SULF1: variants seen among roughly 807,000 people sequenced by gnomAD.
The protein encoded by SULF1 is sulfatase 1.
SULF1 carries 46 observed loss-of-function variants against 110.5 expected under a neutral mutation model. The ratio of observed to expected loss-of-function variants is 0.42; its 90% CI spans 0.33 to 0.53. SULF1 has a LOEUF of 0.53. Among genes scored for constraint, SULF1 ranks in the 20% least tolerant of loss-of-function variants. SULF1 has a pLI of 0.12. For synonymous variants in SULF1, 371 were observed against 387.1 expected, an observed-to-expected ratio of 0.96 and a Z score of 0.49; for missense variants, 941 against 1,094.2, an observed-to-expected ratio of 0.86 and a Z score of 1.98.
At chr8:69,493,459 A>ACACACG (rs1273801330) in intron 1 of SULF1, among the ~76,000 whole-genome samples, 1 of 47,420 alleles carries the variant, frequency 2.1e-5, no homozygotes, top group Non-Finnish European at 3.7e-5. Context: ...ACACACACAC[A>ACACACG]CACACACACA....
At chr8:69,615,793 A>G (rs992204720) in intron 13 of SULF1, among the ~76,000 whole-genome samples, 8 of 152,186 alleles carry the variant, frequency 5.3e-5, no homozygotes, top group African/African-American at 1.9e-4. Flanking sequence ...CTAATGGGAA[A>G]TTCAACTAGG....
intron 1 of SULF1, among the ~76,000 whole-genome samples, chr8:69,468,588 A>G (rs1158347325): frequency 6.6e-6 from 1 of 152,166 alleles, no homozygotes; most frequent in Admixed American, 6.5e-5. Context: ...ACCAAAATAG[A>G]TCCAAGTTCA....
chr8:69,624,152 G>A lies in SULF1; in HGVS notation c.1805G>A (p.Ser602Asn), dbSNP rs1012374804. 3 of 1,610,680 alleles carry A rather than the reference G, an allele frequency of 1.9e-6. No homozygotes were observed. The highest frequency in any genetic ancestry group is 2.5e-6 in the Non-Finnish European group (3 of 1,177,792). The change falls in exon 15 of 23, where the codon AGC becomes AAC. Residue 602 changes from serine to asparagine, a missense_variant. By Grantham distance (46) the Ser-to-Asn change is conservative. Transcript: ENST00000402687. ...AACAGGGGCAGGATGCTGGCAGATA[G>A]CAGCAACGCCGTGGGCCCACCTACC... The part of the protein sequence containing the change: ...GGNRGRMLAD[S>N]SNAVGPPTTV...
chr8:69,480,892 A>G (rs1243757810), intron 1 of SULF1, among the ~76,000 whole-genome samples: 236 of 98,466 alleles, frequency 2.4e-3, no homozygotes, highest in Middle Eastern at 4.7e-3. Context: ...CTGTTGTGGG[A>G]TGGGGGAGGG....
chr8:69,624,386 C>T (rs1809839943), intron 15 of SULF1, among the ~76,000 whole-genome samples, 189 bp downstream of exon 15: 1 of 152,210 alleles, frequency 6.6e-6, no homozygotes, highest in African/African-American at 2.4e-5. Context: ...TGGACACATG[C>T]TTTGGGTTTG....
At chr8:69,653,195 G>A (rs1812482713) in intron 22 of SULF1, among the ~76,000 whole-genome samples, 1 of 151,954 alleles carries the variant, frequency 6.6e-6, no homozygotes, top group Non-Finnish European at 1.5e-5. Context: ...TCAGCCTTCT[G>A]AGTAGCTGGG....
At chr8:69,524,385 A>G (rs919089718) in intron 3 of SULF1, among the ~76,000 whole-genome samples, 2 of 152,084 alleles carry the variant, frequency 1.3e-5, no homozygotes, top group Non-Finnish European at 2.9e-5. Context: ...CGGAAAGCAA[A>G]GAGGGAGCAA....
chr8:69,584,038 G>T (rs950951981), intron 6 of SULF1, among the ~76,000 whole-genome samples: 3 of 152,204 alleles, frequency 2.0e-5, no homozygotes, highest in Non-Finnish European at 4.4e-5. Flanking sequence ...GGAAAGGGAA[G>T]GATTTTGTCC....
intron 3 of SULF1, among the ~76,000 whole-genome samples, chr8:69,557,940 TAC>T (rs1223421524): frequency 6.6e-6 from 1 of 152,216 alleles, no homozygotes; most frequent in Non-Finnish European, 1.5e-5. Context: ...AAAGTGTTAC[TAC>T]ACCAGGAGGG....
chr8:69,564,199 C>T (rs756160063), intron 5 of SULF1, 52 bp downstream of exon 5: 14 of 1,595,108 alleles, frequency 8.8e-6, no homozygotes, highest in African/African-American at 1.3e-5. Flanking sequence ...GATGATTTCT[C>T]GAGTCTCAGG....
intron 3 of SULF1, among the ~76,000 whole-genome samples, chr8:69,539,039 G>C (rs1813674933): frequency 6.6e-6 from 1 of 152,162 alleles, no homozygotes; most frequent in South Asian, 2.1e-4. Context: ...GAACCCTGTA[G>C]CTGGATCCCG....
intron 19 of SULF1, among the ~76,000 whole-genome samples, chr8:69,634,078 A>G (rs570654770): frequency 9.8e-5 from 15 of 152,362 alleles, no homozygotes; most frequent in South Asian, 4.1e-4. Context: ...GAAAAGTCGT[A>G]TAATGATGAA....
At chr8:69,589,527 TG>T (rs2130290324) in intron 8 of SULF1, among the ~76,000 whole-genome samples, 1 of 152,374 alleles carries the variant, frequency 6.6e-6, no homozygotes, top group South Asian at 2.1e-4. Flanking sequence ...ACCTCTGGTC[TG>T]GTTATAGAAA....
chr8:69,468,917 C>T lies in SULF1; in HGVS notation c.-391+1967C>T, dbSNP rs1019861764. Among the ~76,000 whole-genome samples, 172 of 152,264 alleles carry T rather than the reference C, an allele frequency of 1.1e-3. 3 individuals carry two copies. Among genetic ancestry groups the T allele is most frequent in the Admixed American group, 0.011 (164 of 15,294 alleles). ...AGCATACATCCCTGATGTTGCAGAT[C>T]GATCACAGGGCTGCCTGGACAGGAC... On this transcript the variant is annotated intron_variant, in intron 1 of 22. Transcript: ENST00000260128.
intron 3 of SULF1, among the ~76,000 whole-genome samples, chr8:69,553,282 G>T (rs1200130044): frequency 1.3e-5 from 2 of 152,176 alleles, no homozygotes; most frequent in Non-Finnish European, 1.5e-5. Context: ...GTACTTCAAG[G>T]ATATGCTGTA....
At chr8:69,510,601 T>C (rs973128193) in intron 3 of SULF1, among the ~76,000 whole-genome samples, 7 of 135,584 alleles carry the variant, frequency 5.2e-5, no homozygotes, top group Non-Finnish European at 1.5e-5. Flanking sequence ...GTGTTGGGTT[T>C]TTTGGTGGGT....
intron 3 of SULF1, among the ~76,000 whole-genome samples, chr8:69,509,848 T>A (rs955960556): frequency 1.3e-5 from 2 of 152,220 alleles, no homozygotes; most frequent in African/African-American, 4.8e-5. Context: ...GAAATGTCCC[T>A]CCTGGGTAAA....
chr8:69,518,499 C>A (rs1352366772), intron 3 of SULF1, among the ~76,000 whole-genome samples: 1 of 152,030 alleles, frequency 6.6e-6, no homozygotes, highest in East Asian at 1.9e-4. Context: ...ATTTTGTTTT[C>A]TTATTTTATA....
intron 19 of SULF1, among the ~76,000 whole-genome samples, chr8:69,631,606 A>G (rs1174134597): frequency 1.3e-5 from 2 of 152,230 alleles, no homozygotes; most frequent in African/African-American, 4.8e-5. Flanking sequence ...ACAAAACCCC[A>G]TATGCTCCTA....
Sources: gnomAD v4.1 joint callset for allele counts (sites outside exome capture counted in the v4.1 genomes callset) on GRCh38, gnomAD v4.1.1 for gene constraint, MANE v1.5 for transcripts, NCBI Gene and HGNC (gene_info 2026-07-23, HGNC 2026-07-21) for gene names.